The following PPARGC1A variants were observed in gnomAD, a reference collection of about 807,000 sequenced individuals.
PPARGC1A encodes the protein peroxisome proliferator-activated receptor gamma coactivator 1-alpha.
A neutral mutation model predicts 88.7 loss-of-function variants in PPARGC1A; 25 were observed. The ratio of observed to expected loss-of-function variants is 0.28; its 90% CI spans 0.21 to 0.39. The LOEUF (loss-of-function observed/expected upper bound fraction) is 0.39, where lower values mean the gene tolerates loss of function less well. Ranked by LOEUF, PPARGC1A falls within the 10% of genes least tolerant of loss-of-function variation. PPARGC1A has a pLI of 1.00. For synonymous variants in PPARGC1A, 363 were observed against 355.6 expected (o/e 1.02, Z -0.24); for missense variants, 880 against 968.7 (o/e 0.91, Z 1.22).
At chr4:24,265,625 T>TAC in the PPARGC1A span, among the ~76,000 whole-genome samples, 3 of 152,136 alleles carry the variant, frequency 2.0e-5, no homozygotes, top group Admixed American at 6.6e-5. Flanking sequence ...GATGTGTTGA[T>TAC]ACACCTATGA....
the PPARGC1A span, among the ~76,000 whole-genome samples, chr4:24,343,555 TCAGA>T: frequency 6.6e-6 from 1 of 152,172 alleles, no homozygotes; most frequent in African/African-American, 2.4e-5. Flanking sequence ...TCCAGAACTA[TCAGA>T]AAGAAATTTC....
chr4:24,160,467 A>C, the PPARGC1A span, among the ~76,000 whole-genome samples: 8 of 152,192 alleles, frequency 5.3e-5, no homozygotes, highest in Non-Finnish European at 1.0e-4. Context: ...TAGAGCATCA[A>C]GCTGTTCCAT....
the PPARGC1A span, among the ~76,000 whole-genome samples, chr4:24,256,587 A>G: frequency 6.6e-6 from 1 of 152,324 alleles, no homozygotes; most frequent in East Asian, 1.9e-4. Context: ...TCACTCTGAC[A>G]GTTACTTTAA....
At chr4:24,132,195 C>G in the PPARGC1A span, among the ~76,000 whole-genome samples, 1 of 152,074 alleles carries the variant, frequency 6.6e-6, no homozygotes, top group Non-Finnish European at 1.5e-5. Flanking sequence ...AGATGTTACA[C>G]TGTTGCAAGT....
chr4:24,027,775 CATT>C, the PPARGC1A span, among the ~76,000 whole-genome samples: 1 of 152,134 alleles, frequency 6.6e-6, no homozygotes. Flanking sequence ...TTAATATTAT[CATT>C]AAGGTGCATT....
At chr4:24,396,589 C>T in the PPARGC1A span, among the ~76,000 whole-genome samples, 1 of 152,138 alleles carries the variant, frequency 6.6e-6, no homozygotes, top group African/African-American at 2.4e-5. Flanking sequence ...AAATCTTCTC[C>T]AGCTAAAGAA....
chr4:24,161,334 A>G, the PPARGC1A span, among the ~76,000 whole-genome samples: 3 of 152,172 alleles, frequency 2.0e-5, no homozygotes, highest in African/African-American at 4.8e-5. Context: ...AGAAAGTTCA[A>G]CTCATCACAA....
At position 23,814,492 on chromosome 4, in the gene PPARGC1A, G is replaced by T; in HGVS notation, c.991C>A (p.Pro331Thr). The change falls in exon 8 of 13, where the codon CCC becomes ACC. Residue 331 changes from proline (P) to threonine (T), a missense_variant. Physicochemically the swap from Pro to Thr is conservative, Grantham distance 38. Transcript: ENST00000264867. ...KTVVPPPSKKPRYSESSGTQG... is the reference protein window; with the variant it reads ...KTVVPPPSKKTRYSESSGTQG... ...GTACCAGAAGACTCACTGTACCTGG[G>T]CTTCTTTGATGGTGGTGGCACCACA... 1.9e-6 allele frequency: 3 copies of T among 1,613,642 alleles called. No homozygotes were observed. The highest frequency in any genetic ancestry group is 1.7e-6 in the Non-Finnish European group (2 of 1,179,874).
At chr4:23,855,480 G>A (rs1730029890) in intron 2 of PPARGC1A, among the ~76,000 whole-genome samples, 1 of 152,202 alleles carries the variant, frequency 6.6e-6, no homozygotes, top group African/African-American at 2.4e-5. Context: ...CTTGGGACAA[G>A]CAAGGACCTA....
the PPARGC1A span, among the ~76,000 whole-genome samples, chr4:24,001,706 C>T: frequency 6.1e-3 from 930 of 152,120 alleles, 4 homozygotes; most frequent in Non-Finnish European, 9.3e-3. Context: ...AAACATTGAT[C>T]ACTGGTAATT....
the PPARGC1A span, among the ~76,000 whole-genome samples, chr4:24,256,387 C>T: frequency 6.6e-6 from 1 of 152,182 alleles, no homozygotes; most frequent in Non-Finnish European, 1.5e-5. Context: ...TTTCATGCCT[C>T]GCATTCGCAG....
At chr4:24,029,045 C>T in the PPARGC1A span, among the ~76,000 whole-genome samples, 14 of 152,302 alleles carry the variant, frequency 9.2e-5, no homozygotes, top group South Asian at 2.1e-4. Context: ...ACATGTTATA[C>T]ATAACCTCAA....
At chr4:24,187,732 C>A in the PPARGC1A span, among the ~76,000 whole-genome samples, 1 of 152,136 alleles carries the variant, frequency 6.6e-6, no homozygotes, top group Non-Finnish European at 1.5e-5. Context: ...GGTCTTTATG[C>A]AACATGGGTA....
At chr4:24,114,023 C>G in the PPARGC1A span, among the ~76,000 whole-genome samples, 1 of 148,964 alleles carries the variant, frequency 6.7e-6, no homozygotes, top group East Asian at 2.1e-4. Flanking sequence ...ACTCTGGAGG[C>G]TGAGGCAGGA....
chr4:24,174,804 A>T, the PPARGC1A span, among the ~76,000 whole-genome samples: 3,045 of 152,280 alleles, frequency 0.02, 52 homozygotes, highest in Non-Finnish European at 0.03. Context: ...GCCATGTGGG[A>T]CTAGTCATGG....
At chr4:24,140,601 A>G in the PPARGC1A span, among the ~76,000 whole-genome samples, 6 of 152,198 alleles carry the variant, frequency 3.9e-5, no homozygotes, top group Non-Finnish European at 7.3e-5. Context: ...CTTGTGTGCA[A>G]GGAAAGCTGA....
the PPARGC1A span, among the ~76,000 whole-genome samples, chr4:24,398,368 T>C: frequency 6.6e-6 from 1 of 152,232 alleles, no homozygotes; most frequent in Non-Finnish European, 1.5e-5. Context: ...CATTATTCTT[T>C]TCAAATTTCT....
the PPARGC1A span, among the ~76,000 whole-genome samples, chr4:23,992,299 GATA>G: frequency 1.4e-5 from 2 of 144,932 alleles, no homozygotes; most frequent in African/African-American, 5.6e-5. Flanking sequence ...ATTATTATCA[GATA>G]ATATTATTAC....
the PPARGC1A span, among the ~76,000 whole-genome samples, chr4:24,173,630 G>T: frequency 6.6e-6 from 1 of 152,158 alleles, no homozygotes; most frequent in Non-Finnish European, 1.5e-5. Flanking sequence ...GGAAAAGTCT[G>T]AAACATCAGG....
Sources: gnomAD v4.1 joint callset for allele counts (sites outside exome capture counted in the v4.1 genomes callset) on GRCh38, gnomAD v4.1.1 for gene constraint, MANE v1.5 for transcripts, NCBI Gene and HGNC (gene_info 2026-07-23, HGNC 2026-07-21) for gene names.